The following SYNRG variants were observed in gnomAD, a reference collection of about 807,000 sequenced individuals.
SYNRG encodes synergin gamma.
In SYNRG, 37 loss-of-function variants were observed where a neutral mutation model predicts 130.9. The observed-to-expected ratio is 0.28, with a 90% confidence interval of 0.22 to 0.37. The LOEUF (loss-of-function observed/expected upper bound fraction) is 0.37, where lower values mean the gene tolerates loss of function less well. SYNRG is among the 10% of genes least tolerant of loss of function. SYNRG has a pLI of 1.00. For synonymous variants in SYNRG, 539 were observed against 568.1 expected (o/e 0.95, Z 0.73); for missense variants, 1,338 against 1,588.9 (o/e 0.84, Z 2.68).
intron 8 of SYNRG, among the ~76,000 whole-genome samples, chr17:37,574,747 C>T (rs902706902): frequency 2.0e-5 from 3 of 151,904 alleles, no homozygotes; most frequent in Admixed American, 2.0e-4. Flanking sequence ...AAAAGACAGG[C>T]AATAACGAAT....
chr17:37,608,527 G>A (rs2064020652), intron 1 of SYNRG, among the ~76,000 whole-genome samples: 1 of 152,174 alleles, frequency 6.6e-6, no homozygotes, highest in African/African-American at 2.4e-5. Flanking sequence ...CTGGGTATAA[G>A]AACCACGGCA....
chr17:37,545,472 A>G (rs1337159852), intron 14 of SYNRG, among the ~76,000 whole-genome samples: 1 of 152,342 alleles, frequency 6.6e-6, no homozygotes, highest in East Asian at 1.9e-4. Flanking sequence ...ACTGCAATCA[A>G]GATATTACTA....
At chr17:37,542,644 C>T in intron 14 of SYNRG, 79 bp from the exon 15 acceptor site, 2 of 1,057,352 alleles carry the variant, frequency 1.9e-6, no homozygotes, top group Non-Finnish European at 2.7e-6. Context: ...AGCAAAATGC[C>T]TAGCATATTT....
At chr17:37,520,079 T>C (rs2054803509) in intron 21 of SYNRG, 100 bp downstream of exon 21, 1 of 1,316,610 alleles carries the variant, frequency 7.6e-7, no homozygotes, top group Non-Finnish European at 1.1e-6. Context: ...GGATTCATGA[T>C]TGGAACAGTT....
At chr17:37,584,469 G>A in intron 6 of SYNRG, 179 bp downstream of exon 6, 1 of 484,524 alleles carries the variant, frequency 2.1e-6, no homozygotes, top group Non-Finnish European at 3.8e-6. Context: ...CAAGACAGTT[G>A]TTATCCAGAC....
chr17:37,559,204 A>C (rs1300184661), intron 13 of SYNRG, among the ~76,000 whole-genome samples: 1 of 152,238 alleles, frequency 6.6e-6, no homozygotes, highest in African/African-American at 2.4e-5. Flanking sequence ...GTAAGACAGT[A>C]CTGTAATACA....
At position 37,519,027 on chromosome 17, in the gene SYNRG, C is replaced by A. The variant is rs759419587; in HGVS notation, c.3858G>T (p.Gly1286=). ...ETDSFKLAYG[G]HQYHASCANF... is the part of the protein sequence containing the mutation. The stretch of plus-strand genomic sequence containing the variant: ...TGGCACAGCTGGCGTGATACTGGTG[C>A]CCTCCATAGGCCAGCTTGAAACTGT... The change falls in exon 22 of 22, where the codon GGG becomes GGT. Residue 1286 remains glycine, a synonymous_variant. Transcript: ENST00000612223. 2 of 1,614,200 alleles carry A rather than the reference C, an allele frequency of 1.2e-6. No homozygotes were observed. Among genetic ancestry groups the A allele is most frequent in the Non-Finnish European group, 1.7e-6 (2 of 1,180,044 alleles).
At chr17:37,534,996 T>G (rs2057050346) in intron 19 of SYNRG, among the ~76,000 whole-genome samples, 2 of 152,058 alleles carry the variant, frequency 1.3e-5, no homozygotes, top group Non-Finnish European at 2.9e-5. Flanking sequence ...AGAGACAAAT[T>G]GAATAGGTAT....
chr17:37,524,105 T>C (rs757861129), intron 19 of SYNRG, among the ~76,000 whole-genome samples: 1 of 152,134 alleles, frequency 6.6e-6, no homozygotes, highest in African/African-American at 2.4e-5. Context: ...GAGGGCTCTG[T>C]GGGCCAGGCA....
Position 37,541,956 on chromosome 17 carries a change from C to A in SYNRG, c.3202+16G>T. ...AAAAAACCACAATAGTAAAATCTAC[C>A]TTGGAAGCTACTCACCTTGAACAGA... On this transcript the variant is annotated intron_variant, in intron 15 of 21. Transcript: ENST00000612223. 3 of 1,601,048 alleles carry A rather than the reference C, an allele frequency of 1.9e-6. No individual in the cohort carries two copies. The highest frequency in any genetic ancestry group is 2.6e-6 in the Non-Finnish European group (3 of 1,171,366).
At chr17:37,594,476 T>TC (rs1381073076) in intron 3 of SYNRG, among the ~76,000 whole-genome samples, 1 of 147,924 alleles carries the variant, frequency 6.8e-6, no homozygotes, top group East Asian at 1.9e-4. Flanking sequence ...TTTTTTTTTT[T>TC]TTTTGAGATG....
intron 19 of SYNRG, among the ~76,000 whole-genome samples, chr17:37,532,489 A>G (rs1387424420): frequency 2.0e-5 from 3 of 152,118 alleles, no homozygotes; most frequent in Non-Finnish European, 2.9e-5. Flanking sequence ...CCTGGCCAAC[A>G]GGGTGAAACC....
intron 1 of SYNRG, 57 bp downstream of exon 1, chr17:37,609,222 C>A (rs1010664493): frequency 1.5e-6 from 2 of 1,377,962 alleles, no homozygotes; most frequent in East Asian, 3.1e-5. Flanking sequence ...AACTGCCAAG[C>A]GCCCCTCGCC....
intron 13 of SYNRG, among the ~76,000 whole-genome samples, chr17:37,557,394 T>A (rs573937694): frequency 6.6e-6 from 1 of 152,244 alleles, no homozygotes; most frequent in Non-Finnish European, 1.5e-5. Context: ...GATACTAACG[T>A]ACTTTGACGA....
Position 37,540,377 on chromosome 17 carries a change from C to T in SYNRG, c.3366+3G>A, listed in dbSNP as rs373121415. 6.2e-6 allele frequency: 10 copies of T among 1,613,232 alleles called. No individual in the cohort carries two copies. In the African/African-American group the frequency reaches 1.3e-4, roughly 22 times the overall value. On this transcript the variant is annotated splice_donor_region_variant and intron_variant, in intron 16 of 21. Transcript: ENST00000612223. ...CACCCCTTGTAGAAAGCTCTCCTCT[C>T]ACCTCCACCTCTCCCGTCAGGTCTT... is the stretch of plus-strand genomic sequence containing the variant.
chr17:37,526,014 T>C (rs894004459), intron 19 of SYNRG, among the ~76,000 whole-genome samples: 18 of 152,146 alleles, frequency 1.2e-4, no homozygotes, highest in Non-Finnish European at 1.8e-4. Flanking sequence ...GTGCCTGTAA[T>C]CCCAGCTATT....
chr17:37,580,478 C>CGTGTGTGTGTGTGTGTGTGTGTGTGTGT (rs1341679385), intron 6 of SYNRG, among the ~76,000 whole-genome samples: 4 of 121,958 alleles, frequency 3.3e-5, no homozygotes, highest in African/African-American at 1.4e-4. Flanking sequence ...CTTTGTATTT[C>CGTGTGTGTGTGTGTGTGTGTGTGTGTGT]GTGTGTGTGT....
chr17:37,557,224 T>C (rs2059185035), intron 13 of SYNRG: 1 of 152,226 alleles, frequency 6.6e-6, no homozygotes, highest in Non-Finnish European at 1.5e-5. Flanking sequence ...AATAAAAATG[T>C]GTCATTTCTT....
In SYNRG at chr17:37,518,752, G is replaced by T; in HGVS notation, c.*188C>A. On this transcript the variant is annotated 3_prime_UTR_variant, in exon 22 of 22. Transcript: ENST00000612223. ...AAGCTTCTGGTGCCACGTGCAGTTT[G>T]GGTGGGACAATTTTACCTGAAGTCC... The T allele has an allele frequency of 1.6e-6, 1 of 635,468 alleles. No homozygotes were observed. The highest frequency in any genetic ancestry group is 2.6e-6 in the Non-Finnish European group (1 of 388,850). 39.4% of individuals were successfully genotyped at this position (635,468 alleles called of 1,614,324 possible). A position where few individuals can be genotyped will look rare whatever the true frequency, so the allele number is the denominator to read the frequency against.
Sources: allele counts gnomAD v4.1 joint callset (sites outside exome capture counted in the v4.1 genomes callset), GRCh38; gene constraint gnomAD v4.1.1; transcripts MANE v1.5; gene names NCBI Gene and HGNC (gene_info 2026-07-23, HGNC 2026-07-21).